The following PRKG1 variants were observed in gnomAD, a reference collection of about 807,000 sequenced individuals.
The protein encoded by PRKG1 is protein kinase cGMP-dependent 1.
PRKG1 carries 35 observed loss-of-function variants against 88.1 expected under a neutral mutation model. The ratio of observed to expected loss-of-function variants is 0.40; its 90% CI spans 0.30 to 0.53. PRKG1 has a LOEUF of 0.53. Among genes scored for constraint, PRKG1 ranks in the 20% least tolerant of loss-of-function variants. The pLI is 0.59. For missense variants in PRKG1, 540 were observed against 839.8 expected (o/e 0.64, Z 4.41); for synonymous variants, 303 against 292.5 (o/e 1.04, Z -0.37).
intron 3 of PRKG1, among the ~76,000 whole-genome samples, chr10:51,718,062 C>T (rs10762326): frequency 0.57 from 86,708 of 151,914 alleles, 25,416 homozygotes; most frequent in African/African-American, 0.67. Context: ...TAGTTCTGAG[C>T]GCTAGGTGTT....
At chr10:51,369,061 AGATTTCGAAGCCCAAGGCTCGTGTTTCT>A (rs1842647349) in intron 2 of PRKG1, among the ~76,000 whole-genome samples, 1 of 152,092 alleles carries the variant, frequency 6.6e-6, no homozygotes, top group African/African-American at 2.4e-5. Context: ...ATATACCTGG[AGATTTCGAAGCCCAAGGCTCGTGTTTCT>A]TCAGCTGAAA....
At chr10:51,664,527 T>C (rs542765853) in intron 3 of PRKG1, among the ~76,000 whole-genome samples, 1 of 152,146 alleles carries the variant, frequency 6.6e-6, no homozygotes. Flanking sequence ...TCTAGTCTAT[T>C]GTCAAACACT....
intron 14 of PRKG1, among the ~76,000 whole-genome samples, chr10:52,287,768 C>T (rs1489118167): frequency 6.7e-6 from 1 of 150,312 alleles, no homozygotes; most frequent in Non-Finnish European, 1.5e-5. Context: ...TCCTTGCTAG[C>T]AAAGAGGATG....
At chr10:51,645,805 T>A (rs1391566812) in intron 3 of PRKG1, among the ~76,000 whole-genome samples, 1 of 152,140 alleles carries the variant, frequency 6.6e-6, no homozygotes, top group African/African-American at 2.4e-5. Flanking sequence ...TGTCTTAGCT[T>A]TTTGTACAAT....
At chr10:52,085,918 C>A (rs1354148888) in intron 7 of PRKG1, among the ~76,000 whole-genome samples, 1 of 152,084 alleles carries the variant, frequency 6.6e-6, no homozygotes, top group Non-Finnish European at 1.5e-5. Flanking sequence ...GCCCAAAAAT[C>A]TAGTAAAAAA....
At position 52,163,059 on chromosome 10, in the gene PRKG1, A is replaced by T. The variant is rs114637095; in HGVS notation, c.1076+1096A>T. ...TTAGACTTCAGTTTCTAGTATTAAT[A>T]ATAATCCCACCGAGGTGGGAAAGGG... On this transcript the variant is annotated intron_variant, in intron 9 of 17. Coordinates refer to ENST00000373980, the MANE Select transcript of PRKG1 (RefSeq NM_006258.4). 7.7e-3 allele frequency among the ~76,000 whole-genome samples: 1,167 copies of T among 152,176 alleles called. 18 individuals are homozygous for T. The highest frequency in any genetic ancestry group is 0.027 in the African/African-American group (1,106 of 41,528).
At chr10:52,069,540 A>AAC (rs1554799590) in intron 7 of PRKG1, among the ~76,000 whole-genome samples, 10 of 152,208 alleles carry the variant, frequency 6.6e-5, no homozygotes, top group Non-Finnish European at 1.0e-4. Context: ...AAAAACAAAA[A>AAC]AGAAAAGATA....
At chr10:51,737,436 G>T (rs779028927) in intron 3 of PRKG1, among the ~76,000 whole-genome samples, 10 of 152,194 alleles carry the variant, frequency 6.6e-5, no homozygotes, top group Non-Finnish European at 1.3e-4. Context: ...TTTTGTTGTT[G>T]CCTGGTTTAT....
At chr10:52,184,775 G>C (rs1385480879) in intron 9 of PRKG1, 1 of 152,218 alleles carries the variant, frequency 6.6e-6, no homozygotes, top group Non-Finnish European at 1.5e-5. Flanking sequence ...GAAGGAGCAG[G>C]CATATCACAT....
chr10:52,286,930 T>C (rs1305553012), intron 14 of PRKG1, among the ~76,000 whole-genome samples: 1 of 152,042 alleles, frequency 6.6e-6, no homozygotes, highest in Non-Finnish European at 1.5e-5. Flanking sequence ...TATGAAATTA[T>C]GTTCATCAAA....
At chr10:51,946,046 A>G (rs977083385) in intron 5 of PRKG1, among the ~76,000 whole-genome samples, 1 of 151,834 alleles carries the variant, frequency 6.6e-6, no homozygotes, top group Admixed American at 6.6e-5. Flanking sequence ...TATCCTGCAG[A>G]GTGTTTTCCA....
intron 2 of PRKG1, among the ~76,000 whole-genome samples, chr10:51,406,998 A>G (rs1026018839): frequency 2.0e-5 from 3 of 152,182 alleles, no homozygotes; most frequent in Non-Finnish European, 4.4e-5. Flanking sequence ...GCGTGGGAGA[A>G]ACATGTAGGC....
chr10:51,875,710 A>G (rs1485226162), intron 4 of PRKG1, among the ~76,000 whole-genome samples: 4 of 152,194 alleles, frequency 2.6e-5, no homozygotes, highest in Non-Finnish European at 4.4e-5. Flanking sequence ...TTAATTCTGA[A>G]GTAATACTTA....
intron 3 of PRKG1, among the ~76,000 whole-genome samples, chr10:51,761,028 A>AC (rs1476965064): frequency 6.6e-6 from 1 of 152,112 alleles, no homozygotes; most frequent in Non-Finnish European, 1.5e-5. Flanking sequence ...CAGAAGAATT[A>AC]CTTGAACCCC....
chr10:52,277,890 C>A (rs1426961637), intron 12 of PRKG1, among the ~76,000 whole-genome samples: 3 of 152,078 alleles, frequency 2.0e-5, no homozygotes, highest in African/African-American at 4.8e-5. Flanking sequence ...ATTAAGGAAG[C>A]AGAGGTATGT....
At chr10:51,725,963 C>T (rs970546449) in intron 3 of PRKG1, among the ~76,000 whole-genome samples, 1 of 152,100 alleles carries the variant, frequency 6.6e-6, no homozygotes, top group Non-Finnish European at 1.5e-5. Flanking sequence ...AGAGCAGCAC[C>T]ACTAGAACAT....
chr10:51,191,502 T>C (rs78152180), intron 2 of PRKG1, among the ~76,000 whole-genome samples: 65 of 152,020 alleles, frequency 4.3e-4, no homozygotes, highest in African/African-American at 1.6e-3. Context: ...TTAAACTTAA[T>C]TTTATCCCTT....
chr10:52,187,932 C>T (rs117942096), intron 9 of PRKG1, among the ~76,000 whole-genome samples: 877 of 151,996 alleles, frequency 5.8e-3, no homozygotes, highest in Non-Finnish European at 9.1e-3. Flanking sequence ...GAGTTTGGAA[C>T]GTGATAGGAT....
chr10:51,400,133 C>G (rs1011457367), intron 2 of PRKG1, among the ~76,000 whole-genome samples: 2 of 152,104 alleles, frequency 1.3e-5, no homozygotes, highest in African/African-American at 4.8e-5. Context: ...TGAGTACCTA[C>G]TATATACCAG....
Sources: allele counts gnomAD v4.1 joint callset (sites outside exome capture counted in the v4.1 genomes callset), GRCh38; gene constraint gnomAD v4.1.1; transcripts MANE v1.5; gene names NCBI Gene and HGNC (gene_info 2026-07-23, HGNC 2026-07-21).